Variants in MAP3K13 observed in about 807,000 individuals in gnomAD.
The protein encoded by MAP3K13 is mitogen-activated protein kinase kinase kinase 13.
A neutral mutation model predicts 104.0 loss-of-function variants in MAP3K13; 52 were observed. That is an observed-to-expected ratio of 0.50 (90% CI 0.40 to 0.63). The LOEUF is 0.63. Ranked by LOEUF, MAP3K13 falls within the 20% of genes least tolerant of loss-of-function variation. The probability of loss-of-function intolerance (pLI) is 0.00; values close to 1 mark genes in which losing one functional copy is unlikely to be tolerated. For synonymous variants in MAP3K13, 394 were observed against 442.2 expected, an observed-to-expected ratio of 0.89 and a Z score of 1.37; for missense variants, 914 against 1,218.5, an observed-to-expected ratio of 0.75 and a Z score of 3.72.
intron 2 of MAP3K13, among the ~76,000 whole-genome samples, chr3:185,322,170 G>C (rs149377300): frequency 6.6e-6 from 1 of 152,178 alleles, no homozygotes; most frequent in East Asian, 1.9e-4. Context: ...TCTGTTCTGC[G>C]GCTTCATATA....
At chr3:185,455,892 A>T (rs564133983) in intron 7 of MAP3K13, among the ~76,000 whole-genome samples, 4 of 140,940 alleles carry the variant, frequency 2.8e-5, no homozygotes, top group Non-Finnish European at 6.1e-5. Context: ...TATGATATAG[A>T]TGAGATATAT....
intron 10 of MAP3K13, among the ~76,000 whole-genome samples, chr3:185,467,625 A>T (rs1327186739): frequency 6.6e-6 from 1 of 152,022 alleles, no homozygotes; most frequent in African/African-American, 2.4e-5. Flanking sequence ...TCTACTAAAA[A>T]TACAAAAATT....
chr3:185,431,113 G>C (rs1020901313), intron 2 of MAP3K13, among the ~76,000 whole-genome samples: 2 of 152,122 alleles, frequency 1.3e-5, no homozygotes, highest in Non-Finnish European at 2.9e-5. Flanking sequence ...GAACAGCAAG[G>C]GGGAGATCCG....
At chr3:185,314,381 C>T (rs926773865) in intron 2 of MAP3K13, among the ~76,000 whole-genome samples, 3 of 151,852 alleles carry the variant, frequency 2.0e-5, no homozygotes, top group African/African-American at 7.3e-5. Context: ...TTTGGGAGGC[C>T]GAGGTGGGTG....
chr3:185,382,390 A>T (rs1387422814), intron 1 of MAP3K13, among the ~76,000 whole-genome samples: 1 of 152,208 alleles, frequency 6.6e-6, no homozygotes, highest in Non-Finnish European at 1.5e-5. Flanking sequence ...TGGAAAATGA[A>T]ACTGCAAATA....
At chr3:185,391,936 C>A (rs771003129) in intron 1 of MAP3K13, among the ~76,000 whole-genome samples, 3 of 151,914 alleles carry the variant, frequency 2.0e-5, no homozygotes, top group African/African-American at 4.8e-5. Context: ...GGGAGGTGAG[C>A]ATGGGTAGGT....
At position 185,317,557 on chromosome 3, in the gene MAP3K13, G is replaced by A. The variant is rs558710760; in HGVS notation, c.-86+31914G>A. Among the ~76,000 whole-genome samples, 26 of 152,264 alleles carry A rather than the reference G, an allele frequency of 1.7e-4. No homozygotes were observed. The East Asian group carries it at 4.0e-3, about 24-fold the overall frequency. ...GTTATACTAAGGTCACAGGAATTAC[G>A]TATGGACTCAGATTCTAACTTTAGC... On this transcript the variant is annotated intron_variant, in intron 2 of 14. Transcript: ENST00000424227.
chr3:185,307,957 A>G (rs1428780826), intron 2 of MAP3K13, among the ~76,000 whole-genome samples: 1 of 145,068 alleles, frequency 6.9e-6, no homozygotes, highest in Non-Finnish European at 1.5e-5. Context: ...CTTTAAGACA[A>G]CTATTTTGAG....
At chr3:185,316,746 C>T (rs935979773) in intron 2 of MAP3K13, among the ~76,000 whole-genome samples, 1 of 152,198 alleles carries the variant, frequency 6.6e-6, no homozygotes, top group Non-Finnish European at 1.5e-5. Flanking sequence ...TCTTTTCTCT[C>T]CCTCTGTCCC....
intron 1 of MAP3K13, among the ~76,000 whole-genome samples, chr3:185,386,456 G>A (rs1711695889): frequency 6.6e-6 from 1 of 152,172 alleles, no homozygotes; most frequent in African/African-American, 2.4e-5. Context: ...CTCTGATACT[G>A]TTGGTGGGAG....
rs1021808354 is a variant in MAP3K13 at position 185,301,983 on chromosome 3, T to C, written c.-86+16340T>C. 3.3e-5 allele frequency among the ~76,000 whole-genome samples: 5 copies of C among 151,868 alleles called. No individual in the cohort carries two copies. The East Asian group carries it at 9.6e-4, about 29-fold the overall frequency. ...AGATTTCATATGAATTAAAAATTTT[T>C]GTTTTCTATTTCTGCAAAAATGTTG... On this transcript the variant is annotated intron_variant, in intron 2 of 14. Coordinates refer to the MAP3K13 transcript ENST00000424227.
chr3:185,483,540 G>A lies in MAP3K13; in HGVS notation c.*1084G>A, dbSNP rs1047152305. ...GGATCACTCAGTTCAGCTACGAGGA[G>A]AAGATGGAACCACCCCTCTCTGGAG... On this transcript the variant is annotated 3_prime_UTR_variant, in exon 14 of 14. Transcript: ENST00000265026. 8.9e-6 allele frequency: 2 copies of A among 225,948 alleles called. No individual in the cohort carries two copies. The highest frequency in any genetic ancestry group is 2.2e-5 in the African/African-American group (1 of 44,870). The allele number at this position is 225,948 out of a possible 1,614,324, so 14.0% of individuals were successfully genotyped here.
At chr3:185,292,545 C>G (rs1577398004) in intron 2 of MAP3K13, 1 of 578,996 alleles carries the variant, frequency 1.7e-6, no homozygotes, top group East Asian at 1.4e-4. Context: ...TCCCCCCGGC[C>G]TACCTCACAG....
rs961866050 is a variant in MAP3K13 at position 185,473,042 on chromosome 3, G to A, written c.1711G>A (p.Gly571Arg). 1.1e-5 allele frequency: 17 copies of A among 1,614,008 alleles called. No homozygotes were observed. Among genetic ancestry groups the A allele is most frequent in the South Asian group, 2.2e-5 (2 of 91,094 alleles). Reference protein sequence around the residue: ...EVAPTASPLSGSPKMSTSSSK... With the variant: ...EVAPTASPLSRSPKMSTSSSK... ...GGCTCCCACTGCATCCCCTTTGTCCGGAAGTCCCAAAATGTCCACTTCTAG... is the reference window on the plus strand; with the variant it reads ...GGCTCCCACTGCATCCCCTTTGTCCAGAAGTCCCAAAATGTCCACTTCTAG... The change falls in exon 11 of 14, where the codon GGA becomes AGA. Residue 571 changes from glycine to arginine, a missense_variant. Physicochemically the swap from Gly to Arg is moderately radical, Grantham distance 125. Transcript: ENST00000265026. The surrounding 1 kb of genome is among the most constrained non-coding windows in gnomAD (Gnocchi z 4.9).
At chr3:185,476,080 A>G (rs1354492437) in intron 11 of MAP3K13, among the ~76,000 whole-genome samples, 1 of 152,168 alleles carries the variant, frequency 6.6e-6, no homozygotes, top group East Asian at 1.9e-4. Flanking sequence ...CAACACTTTT[A>G]TCACCCCAGA....
At chr3:185,351,193 T>C (rs1202238510) in intron 2 of MAP3K13, among the ~76,000 whole-genome samples, 2 of 152,122 alleles carry the variant, frequency 1.3e-5, no homozygotes, top group African/African-American at 2.4e-5. Flanking sequence ...CAGGGCCTAT[T>C]TGAAGGTGGA....
chr3:185,437,582 A>G lies in MAP3K13; in HGVS notation c.611A>G (p.Asp204Gly). 2 of 1,613,634 alleles carry G rather than the reference A, an allele frequency of 1.2e-6. No individual in the cohort carries two copies. The highest frequency in any genetic ancestry group is 1.7e-6 in the Non-Finnish European group (2 of 1,179,906). ...IKKVREQNETDIKHLRKLKHP... is the reference protein window; with the variant it reads ...IKKVREQNETGIKHLRKLKHP... ...AAAGTGAGAGAACAGAATGAGACGG[A>G]TATCAAGCATTTGAGGAAGTTGAAG... The change falls in exon 3 of 14, where the codon GAT becomes GGT. Residue 204 changes from aspartate (D) to glycine (G), a missense_variant. Transcript: ENST00000265026.
chr3:185,437,479 G>C lies in MAP3K13; in HGVS notation c.508G>C (p.Glu170Gln), dbSNP rs761707030. 4 of 1,613,994 alleles carry C rather than the reference G, an allele frequency of 2.5e-6. No individual in the cohort carries two copies. In the East Asian group the frequency reaches 8.9e-5, roughly 36 times the overall value. The change falls in exon 3 of 14, where the codon GAG (glutamate) becomes CAG (glutamine). Residue 170 changes from glutamate to glutamine, a missense_variant. Transcript: ENST00000265026. ...GGAAGTGCCATTTGAGGAGATCTCA[G>C]AGCTGCAGTGGCTGGGTAGTGGAGC... ...TWEVPFEEIS[E>Q]LQWLGSGAQG...
chr3:185,395,368 T>TTTTTTTTTC (rs1712330370), intron 1 of MAP3K13, among the ~76,000 whole-genome samples: 5 of 80,492 alleles, frequency 6.2e-5, no homozygotes, highest in African/African-American at 1.1e-4. Flanking sequence ...TTTTTTTTTT[T>TTTTTTTTTC]TTTTTTTTGA....
Sources: gnomAD v4.1 joint callset for allele counts (sites outside exome capture counted in the v4.1 genomes callset) on GRCh38, gnomAD v4.1.1 for gene constraint, Gnocchi (gnomAD v3.1) non-coding constraint, MANE v1.5 for transcripts, NCBI Gene and HGNC (gene_info 2026-07-23, HGNC 2026-07-21) for gene names.